CDH18: variants seen among roughly 807,000 people sequenced by gnomAD.
The protein encoded by CDH18 is cadherin 18.
CDH18 carries 31 observed loss-of-function variants against 67.9 expected under a neutral mutation model. The ratio of observed to expected loss-of-function variants is 0.46; its 90% confidence interval spans 0.34 to 0.62. CDH18 has a LOEUF of 0.62. Ranked by LOEUF, CDH18 falls within the 20% of genes least tolerant of loss-of-function variation. The probability of loss-of-function intolerance (pLI) is 0.01; values close to 1 mark genes in which losing one functional copy is unlikely to be tolerated. For missense variants in CDH18, 890 were observed against 975.5 expected, an observed-to-expected ratio of 0.91 and a Z score of 1.17; for synonymous variants, 362 against 347.2, an observed-to-expected ratio of 1.04 and a Z score of -0.48.
chr5:20,062,614 G>C (rs1416485876), intron 2 of CDH18, among the ~76,000 whole-genome samples: 1 of 152,124 alleles, frequency 6.6e-6, no homozygotes. Flanking sequence ...TGTCTTATAA[G>C]CTAATGGAGA....
intron 2 of CDH18, among the ~76,000 whole-genome samples, chr5:20,107,085 T>TC (rs1052349573): frequency 4.1e-4 from 2 of 4,844 alleles, no homozygotes; most frequent in Non-Finnish European, 3.1e-3. Context: ...TATAACTTTC[T>TC]TTTTTTTTTT....
chr5:20,239,453 C>G (rs1041056177), intron 2 of CDH18, among the ~76,000 whole-genome samples: 2 of 151,912 alleles, frequency 1.3e-5, no homozygotes, highest in African/African-American at 4.8e-5. Context: ...AAGACTCCAT[C>G]TCCAAAAAAC....
chr5:20,113,539 C>T (rs903063364), intron 2 of CDH18, among the ~76,000 whole-genome samples: 1 of 152,092 alleles, frequency 6.6e-6, no homozygotes, highest in Non-Finnish European at 1.5e-5. Context: ...ATACATGAGG[C>T]ATGACAATAA....
intron 2 of CDH18, among the ~76,000 whole-genome samples, chr5:20,000,282 G>C (rs1293883248): frequency 6.6e-6 from 1 of 151,552 alleles, no homozygotes; most frequent in Non-Finnish European, 1.5e-5. Flanking sequence ...TGATGGTTGT[G>C]TTATAAGATA....
At chr5:20,382,509 G>A (rs923027989) in intron 1 of CDH18, among the ~76,000 whole-genome samples, 5 of 152,064 alleles carry the variant, frequency 3.3e-5, no homozygotes, top group Non-Finnish European at 5.9e-5. Flanking sequence ...GGTAATGGAT[G>A]CCAATCATGG....
At chr5:20,407,092 A>G (rs1034420553) in intron 1 of CDH18, among the ~76,000 whole-genome samples, 8 of 152,204 alleles carry the variant, frequency 5.3e-5, no homozygotes, top group African/African-American at 1.9e-4. Context: ...CATATACACT[A>G]GACCCCCAGG....
At chr5:20,150,069 T>G (rs1045641728) in intron 2 of CDH18, among the ~76,000 whole-genome samples, 2 of 152,146 alleles carry the variant, frequency 1.3e-5, no homozygotes, top group African/African-American at 4.8e-5. Context: ...CAGTTTTTTA[T>G]TCAGTGGATT....
rs530996461 is a variant in CDH18 at position 20,023,420 on chromosome 5, T to C, written c.-517-31406A>G. 3.5e-4 allele frequency among the ~76,000 whole-genome samples: 53 copies of C among 152,148 alleles called. No individual in the cohort carries two copies. In the Middle Eastern group the frequency reaches 0.01, roughly 29 times the overall value. On this transcript the variant is annotated intron_variant, in intron 2 of 14. Transcript: ENST00000507958. The stretch of plus-strand genomic sequence containing the variant: ...GCTAGTTAAATAAGAAAGGTATTTA[T>C]AGGCCGAGGCGGGCGGATCACCAGG...
At chr5:20,076,423 T>C (rs1345684019) in intron 2 of CDH18, among the ~76,000 whole-genome samples, 1 of 152,060 alleles carries the variant, frequency 6.6e-6, no homozygotes, top group Non-Finnish European at 1.5e-5. Context: ...TAAAATGTAA[T>C]ACAAAAATCA....
In CDH18 at chr5:20,572,351, T is replaced by C. The variant is rs181289840; in HGVS notation, c.-580+3111A>G. Among the ~76,000 whole-genome samples the C allele has an allele frequency of 3.5e-3, 532 of 152,198 alleles. 2 individuals are homozygous for C. The highest frequency in any genetic ancestry group is 0.012 in the African/African-American group (496 of 41,548). ...AGAGATGTGGAGATCATGTAAAGGA[T>C]GTTTCTTCCCTCAGGTTTGGCCTTA... On this transcript the variant is annotated intron_variant, in intron 1 of 14. Coordinates refer to the CDH18 transcript ENST00000507958.
At position 19,747,054 on chromosome 5, in the gene CDH18, T is replaced by G; in HGVS notation, c.411A>C (p.Lys137Asn). Residue 137 changes from lysine (K) to asparagine (N), a missense_variant, in exon 4 of 13, where the codon AAA (lysine) becomes AAC (asparagine). Physicochemically the swap from Lys to Asn is moderately conservative, Grantham distance 94. Coordinates refer to ENST00000382275, the MANE Select transcript of CDH18 (RefSeq NM_004934.5). ...HAQAIDRRTN[K>N]PLEPESEFII... ...TGAACTCGGATTCAGGCTCAAGAGGTTTGTTTGTACGTCTATCAATAGCTT... is the reference window on the plus strand; with the variant it reads ...TGAACTCGGATTCAGGCTCAAGAGGGTTGTTTGTACGTCTATCAATAGCTT... 1 of 1,613,990 alleles carries G rather than the reference T, an allele frequency of 6.2e-7. No homozygotes were observed. Among genetic ancestry groups the G allele is most frequent in the Middle Eastern group, 1.6e-4 (1 of 6,062 alleles).
chr5:20,433,619 G>T (rs1748945387), intron 1 of CDH18, among the ~76,000 whole-genome samples: 1 of 151,952 alleles, frequency 6.6e-6, no homozygotes, highest in Non-Finnish European at 1.5e-5. Context: ...AGCACCTCAG[G>T]ATTTGACCTG....
chr5:19,659,856 T>C (rs1356462086), intron 5 of CDH18, among the ~76,000 whole-genome samples: 2 of 152,072 alleles, frequency 1.3e-5, no homozygotes, highest in East Asian at 1.9e-4. Context: ...TTTTCTTAAA[T>C]AAATTACCCA....
chr5:20,159,649 T>G (rs1036317144), intron 2 of CDH18, among the ~76,000 whole-genome samples: 3 of 152,284 alleles, frequency 2.0e-5, no homozygotes, highest in Middle Eastern at 3.4e-3. Context: ...TCCCCATTGA[T>G]GTTTTATCTG....
At chr5:20,148,113 A>T (rs1158201943) in intron 2 of CDH18, among the ~76,000 whole-genome samples, 2 of 149,582 alleles carry the variant, frequency 1.3e-5, no homozygotes, top group Non-Finnish European at 3.0e-5. Flanking sequence ...TTTTTTTGAG[A>T]CAGAGTCTCG....
At position 20,220,061 on chromosome 5, in the gene CDH18, T is replaced by C. The variant is rs550394615; in HGVS notation, c.-518+35383A>G. 3.9e-5 allele frequency among the ~76,000 whole-genome samples: 6 copies of C among 152,128 alleles called. No individual in the cohort carries two copies. In the East Asian group the frequency reaches 1.2e-3, roughly 29 times the overall value. ...AATGTATACATTTCCCAAAGTAATG[T>C]ATAGATTCAAAGCAATCCCTATGAA... On this transcript the variant is annotated intron_variant, in intron 2 of 14. Transcript: ENST00000507958.
chr5:20,376,290 T>TC (rs1313957269), intron 1 of CDH18, among the ~76,000 whole-genome samples: 1 of 151,212 alleles, frequency 6.6e-6, no homozygotes, highest in African/African-American at 2.4e-5. Context: ...AGACGGGGTT[T>TC]CGTTAGCCAG....
chr5:20,408,627 T>A (rs1464550812), intron 1 of CDH18, among the ~76,000 whole-genome samples: 1 of 151,678 alleles, frequency 6.6e-6, no homozygotes, highest in African/African-American at 2.4e-5. Flanking sequence ...ATATTAATAC[T>A]AAATATAAAA....
chr5:19,811,925 A>C (rs181801407), intron 3 of CDH18, among the ~76,000 whole-genome samples: 1 of 152,298 alleles, frequency 6.6e-6, no homozygotes, highest in Admixed American at 6.5e-5. Flanking sequence ...ACAATAAGGA[A>C]ATCAAACTGG....
Sources: allele counts gnomAD v4.1 joint callset (sites outside exome capture counted in the v4.1 genomes callset), GRCh38; gene constraint gnomAD v4.1.1; transcripts MANE v1.5; gene names NCBI Gene and HGNC (gene_info 2026-07-23, HGNC 2026-07-21).